Variants in GRIK2 observed in about 807,000 individuals in gnomAD.
GRIK2 encodes the protein glutamate receptor ionotropic, kainate 2.
A neutral mutation model predicts 100.3 loss-of-function variants in GRIK2; 32 were observed. The ratio of observed to expected loss-of-function variants is 0.32; its 90% CI spans 0.24 to 0.43. GRIK2 has a LOEUF of 0.43. GRIK2 is among the 20% of genes least tolerant of loss of function. The probability of loss-of-function intolerance (pLI) is 1.00; values close to 1 mark genes in which losing one functional copy is unlikely to be tolerated. For synonymous variants in GRIK2, 417 were observed against 389.4 expected (o/e 1.07, Z -0.83); for missense variants, 843 against 1,114.9 (o/e 0.76, Z 3.47).
Position 102,068,568 on chromosome 6 carries a change from C to T in GRIK2, c.*57C>T, listed in dbSNP as rs1194361992. Reference sequence around the variant, plus strand: ...GTCGTCTTTTTCCAAACAATTTAGCCAGAATGTTTCCTGTGGAAATATGCA... The same window carrying T: ...GTCGTCTTTTTCCAAACAATTTAGCTAGAATGTTTCCTGTGGAAATATGCA... On this transcript the variant is annotated 3_prime_UTR_variant, in exon 17 of 17. Transcript: ENST00000369134. 2.7e-6 allele frequency: 4 copies of T among 1,488,628 alleles called. No individual in the cohort carries two copies. The highest frequency in any genetic ancestry group is 2.8e-5 in the African/African-American group (2 of 71,256). 92.2% of individuals were successfully genotyped at this position (1,488,628 alleles called of 1,614,324 possible). A position where few individuals can be genotyped will look rare whatever the true frequency, so the allele number is the denominator to read the frequency against.
intron 2 of GRIK2, among the ~76,000 whole-genome samples, chr6:101,467,700 A>G (rs1228293648): frequency 1.2e-4 from 19 of 152,198 alleles, no homozygotes; most frequent in Non-Finnish European, 5.9e-5. Context: ...TAAGATGTCT[A>G]TCTACTCTAT....
At chr6:101,654,939 G>A (rs1253154937) in intron 4 of GRIK2, among the ~76,000 whole-genome samples, 5 of 152,072 alleles carry the variant, frequency 3.3e-5, no homozygotes, top group Non-Finnish European at 7.3e-5. Context: ...ATTTTGTCAG[G>A]AAGTTTGCAG....
intron 11 of GRIK2, among the ~76,000 whole-genome samples, chr6:101,871,044 A>G (rs1018485276): frequency 6.6e-6 from 1 of 151,908 alleles, no homozygotes; most frequent in African/African-American, 2.4e-5. Flanking sequence ...TTGATTACCT[A>G]TATACACTAT....
At chr6:101,788,945 A>G (rs1374764694) in intron 7 of GRIK2, among the ~76,000 whole-genome samples, 1 of 152,074 alleles carries the variant, frequency 6.6e-6, no homozygotes, top group East Asian at 1.9e-4. Context: ...TTTGATTTGC[A>G]TATCTCTGAT....
rs142346339 is a variant in GRIK2 at position 101,835,510 on chromosome 6, G to T, written c.1317+17027G>T. On this transcript the variant is annotated intron_variant, in intron 10 of 16. Transcript: ENST00000369134. ...TTTTGAGACAAAATCTCACTCTGTC[G>T]CCCAGGCAGGATTGTAGTGGCATGA... Among the ~76,000 whole-genome samples, 363 of 119,180 alleles carry T rather than the reference G, an allele frequency of 3.0e-3. 4 individuals are homozygous for T. Among genetic ancestry groups the T allele is most frequent in the Middle Eastern group, 0.012 (2 of 162 alleles). The allele number at this position is 119,180 out of a possible 152,430, so 78.2% of individuals were successfully genotyped here.
chr6:102,008,502 A>G (rs1795359600), intron 14 of GRIK2, among the ~76,000 whole-genome samples: 1 of 152,178 alleles, frequency 6.6e-6, no homozygotes, highest in Non-Finnish European at 1.5e-5. Context: ...ACCAAGAGGT[A>G]AGCACAAATT....
At chr6:101,913,530 C>G (rs1411227816) in intron 12 of GRIK2, among the ~76,000 whole-genome samples, 1 of 151,440 alleles carries the variant, frequency 6.6e-6, no homozygotes, top group Non-Finnish European at 1.5e-5. Flanking sequence ...TTCATTTAAT[C>G]TATTAGTAAG....
chr6:102,054,716 G>T (rs976143988), intron 15 of GRIK2, among the ~76,000 whole-genome samples: 2 of 151,938 alleles, frequency 1.3e-5, no homozygotes, highest in African/African-American at 4.8e-5. Flanking sequence ...TACAATACGT[G>T]GCTGTATGCC....
At chr6:102,066,539 G>C (rs978146888) in intron 16 of GRIK2, among the ~76,000 whole-genome samples, 1 of 151,712 alleles carries the variant, frequency 6.6e-6, no homozygotes, top group South Asian at 2.1e-4. Flanking sequence ...GTTAAAACTT[G>C]AGCCATGTCC....
Position 101,602,952 on chromosome 6 carries a change from C to T in GRIK2, c.116-18997C>T, listed in dbSNP as rs80271959. 9.5e-4 allele frequency among the ~76,000 whole-genome samples: 144 copies of T among 151,814 alleles called. 1 individual carries two copies. In the East Asian group the frequency reaches 0.012, roughly 13 times the overall value. On this transcript the variant is annotated intron_variant, in intron 2 of 16. Transcript: ENST00000369134. ...GGAACAAGATTATCATCTCTATCTT[C>T]TCTATATCTTCTACTTTCTTATAGC...
At chr6:101,967,165 C>T (rs1792735031) in intron 14 of GRIK2, among the ~76,000 whole-genome samples, 1 of 151,730 alleles carries the variant, frequency 6.6e-6, no homozygotes, top group Admixed American at 6.6e-5. Flanking sequence ...ACCTAGTATA[C>T]AAACTTTCAG....
At chr6:101,448,570 A>C (rs1770499275) in intron 2 of GRIK2, among the ~76,000 whole-genome samples, 1 of 151,646 alleles carries the variant, frequency 6.6e-6, no homozygotes, top group Non-Finnish European at 1.5e-5. Context: ...TTAATGAAAT[A>C]CTTGCAACAT....
chr6:101,585,094 T>C (rs1470551681), intron 2 of GRIK2, among the ~76,000 whole-genome samples: 2 of 151,924 alleles, frequency 1.3e-5, no homozygotes, highest in African/African-American at 2.4e-5. Context: ...ATTGAGCAAG[T>C]TTATAATAAT....
intron 2 of GRIK2, among the ~76,000 whole-genome samples, chr6:101,547,116 C>G (rs556604999): frequency 6.6e-6 from 1 of 151,926 alleles, no homozygotes; most frequent in Non-Finnish European, 1.5e-5. Context: ...CAGGCGTGAG[C>G]CACCGCGCCC....
intron 14 of GRIK2, among the ~76,000 whole-genome samples, chr6:101,956,889 C>A (rs897725013): frequency 6.7e-6 from 1 of 149,850 alleles, no homozygotes; most frequent in Non-Finnish European, 1.5e-5. Flanking sequence ...TTTATCGAAT[C>A]ATCAGTTGAT....
rs1287067897 is a variant in GRIK2, at chr6:101,598,360, A to G, written c.116-23589A>G. On this transcript the variant is annotated intron_variant, in intron 2 of 16. Transcript: ENST00000369134. ...GCGGGCAACACCAGTTCAGTATTTAAAGATGCATACTCCAGACTGAGACTT... is the reference window on the plus strand; with the variant it reads ...GCGGGCAACACCAGTTCAGTATTTAGAGATGCATACTCCAGACTGAGACTT... Among the ~76,000 whole-genome samples, 4 of 151,654 alleles carry G rather than the reference A, an allele frequency of 2.6e-5. No individual in the cohort carries two copies. The East Asian group carries it at 7.8e-4, about 30-fold the overall frequency.
At chr6:101,850,653 G>A (rs1268671408) in intron 10 of GRIK2, among the ~76,000 whole-genome samples, 1 of 151,906 alleles carries the variant, frequency 6.6e-6, no homozygotes, top group Non-Finnish European at 1.5e-5. Flanking sequence ...TTCATTCTGT[G>A]CCAACTCCCA....
At chr6:101,736,666 T>A (rs1775656787) in intron 7 of GRIK2, among the ~76,000 whole-genome samples, 1 of 151,948 alleles carries the variant, frequency 6.6e-6, no homozygotes, top group African/African-American at 2.4e-5. Context: ...ACAAAACCAG[T>A]TTTTCTTCCT....
chr6:101,488,051 G>A (rs1772918826), intron 2 of GRIK2, among the ~76,000 whole-genome samples: 3 of 146,064 alleles, frequency 2.1e-5, no homozygotes, highest in Non-Finnish European at 4.5e-5. Context: ...TATTTAGATT[G>A]TATTTGAAAA....
Sources: gnomAD v4.1 joint callset for allele counts (sites outside exome capture counted in the v4.1 genomes callset) on GRCh38, gnomAD v4.1.1 for gene constraint, MANE v1.5 for transcripts, NCBI Gene and HGNC (gene_info 2026-07-23, HGNC 2026-07-21) for gene names.